Variants in HS3ST4 observed in about 807,000 individuals in gnomAD.
HS3ST4 encodes heparan sulfate-glucosamine 3-sulfotransferase 4, also known as heparan sulfate glucosamine 3-O-sulfotransferase 4.
A neutral mutation model predicts 29.2 loss-of-function variants in HS3ST4; 17 were observed. The ratio of observed to expected loss-of-function variants is 0.58; its 90% CI spans 0.40 to 0.87. HS3ST4 has a LOEUF of 0.87. Ranked by LOEUF, HS3ST4 falls within the 40% of genes least tolerant of loss-of-function variation. The pLI is 0.00. For missense variants in HS3ST4, 627 were observed against 634.5 expected (o/e 0.99, Z 0.13); for synonymous variants, 314 against 285.7 (o/e 1.10, Z -1.00).
chr16:25,900,570 G>T lies in HS3ST4; in HGVS notation c.734+207419G>T, dbSNP rs73515364. Among the ~76,000 whole-genome samples, 6 of 152,246 alleles carry T rather than the reference G, an allele frequency of 3.9e-5. No individual in the cohort carries two copies. The South Asian group carries it at 1.2e-3, about 32-fold the overall frequency. On this transcript the variant is annotated intron_variant, in intron 1 of 1. Transcript: ENST00000331351. Reference sequence around the variant, plus strand: ...ATTTGGATCCTCACATGTGCCAGGCGTGTTAGGAGTGCGGGTTAATGCAAT... The same window carrying T: ...ATTTGGATCCTCACATGTGCCAGGCTTGTTAGGAGTGCGGGTTAATGCAAT...
intron 1 of HS3ST4, among the ~76,000 whole-genome samples, chr16:25,755,751 T>C (rs1966753599): frequency 6.6e-6 from 1 of 152,186 alleles, no homozygotes; most frequent in Non-Finnish European, 1.5e-5. Context: ...AAGGTTACAA[T>C]GGGCTGGCCA....
intron 1 of HS3ST4, among the ~76,000 whole-genome samples, chr16:26,059,109 A>G (rs1373715843): frequency 6.6e-6 from 1 of 152,164 alleles, no homozygotes; most frequent in Non-Finnish European, 1.5e-5. Flanking sequence ...CCTAAGCCTC[A>G]GGTTCAAAGA....
At chr16:25,955,114 TA>T (rs1968716948) in intron 1 of HS3ST4, among the ~76,000 whole-genome samples, 1 of 152,150 alleles carries the variant, frequency 6.6e-6, no homozygotes, top group South Asian at 2.1e-4. Flanking sequence ...GGTATTTCGG[TA>T]AACTCTGCTA....
chr16:25,872,847 A>T (rs185750214), intron 1 of HS3ST4, among the ~76,000 whole-genome samples: 19 of 152,066 alleles, frequency 1.2e-4, no homozygotes, highest in Non-Finnish European at 2.5e-4. Context: ...GCAACATACT[A>T]CAAGCTTCTC....
chr16:25,726,726 C>T (rs760924279), intron 1 of HS3ST4, among the ~76,000 whole-genome samples: 5 of 152,088 alleles, frequency 3.3e-5, no homozygotes, highest in African/African-American at 1.2e-4. Context: ...CAGTCAATAG[C>T]GAGGGGAGAA....
rs545001136 is a variant in HS3ST4, at chr16:25,843,272, A to C, written c.734+150121A>C. Among the ~76,000 whole-genome samples, 3 of 152,318 alleles carry C rather than the reference A, an allele frequency of 2.0e-5. No homozygotes were observed. The East Asian group carries it at 5.8e-4, about 29-fold the overall frequency. On this transcript the variant is annotated intron_variant, in intron 1 of 1. Coordinates refer to ENST00000331351, the MANE Select transcript of HS3ST4 (RefSeq NM_006040.3). The stretch of plus-strand genomic sequence containing the variant: ...ACTCTGCAGACAGACGATGCTATCA[A>C]CTGGGAGCTGACCACTGGAGCTGTC...
intron 1 of HS3ST4, among the ~76,000 whole-genome samples, chr16:25,799,092 G>A (rs576110151): frequency 2.6e-5 from 4 of 152,282 alleles, no homozygotes; most frequent in South Asian, 4.1e-4. Flanking sequence ...AGGAAAAGGC[G>A]CTTGTTCATT....
intron 1 of HS3ST4, among the ~76,000 whole-genome samples, chr16:26,106,927 C>A (rs937830903): frequency 6.6e-6 from 1 of 152,156 alleles, no homozygotes; most frequent in Non-Finnish European, 1.5e-5. Context: ...TGATATTTCA[C>A]ATCAGCATGT....
chr16:25,903,797 A>G (rs1968146976), intron 1 of HS3ST4, among the ~76,000 whole-genome samples: 1 of 152,112 alleles, frequency 6.6e-6, no homozygotes, highest in African/African-American at 2.4e-5. Context: ...TTCTCTAAAC[A>G]ATACGCACTT....
intron 1 of HS3ST4, among the ~76,000 whole-genome samples, chr16:25,714,912 A>T (rs1386380474): frequency 6.6e-6 from 1 of 152,262 alleles, no homozygotes; most frequent in Admixed American, 6.5e-5. Flanking sequence ...TGGAAGGAGT[A>T]TGCACTTTAA....
intron 1 of HS3ST4, among the ~76,000 whole-genome samples, chr16:26,007,235 A>T (rs1969266914): frequency 6.6e-6 from 1 of 152,038 alleles, no homozygotes; most frequent in African/African-American, 2.4e-5. Flanking sequence ...CTTGGTCTTC[A>T]CCCCTCATTA....
chr16:25,760,101 GCCCTAA>G (rs996874734), intron 1 of HS3ST4, among the ~76,000 whole-genome samples: 25 of 152,072 alleles, frequency 1.6e-4, no homozygotes, highest in East Asian at 7.7e-4. Context: ...GGCTGCCATA[GCCCTAA>G]CCCTAACCCT....
intron 1 of HS3ST4, among the ~76,000 whole-genome samples, chr16:26,048,234 A>G (rs1247196522): frequency 6.6e-6 from 1 of 152,216 alleles, no homozygotes; most frequent in African/African-American, 2.4e-5. Flanking sequence ...CCCTATCTCC[A>G]AATACAATCA....
At chr16:25,751,974 T>C (rs988625739) in intron 1 of HS3ST4, among the ~76,000 whole-genome samples, 2 of 150,644 alleles carry the variant, frequency 1.3e-5, no homozygotes, top group African/African-American at 2.4e-5. Context: ...AAGTTTTAAA[T>C]CTACTCAACT....
chr16:25,884,141 A>C (rs1040859045), intron 1 of HS3ST4, among the ~76,000 whole-genome samples: 2 of 152,074 alleles, frequency 1.3e-5, no homozygotes, highest in Admixed American at 1.3e-4. Flanking sequence ...AATCCAACCT[A>C]GTTCAGAGCC....
At chr16:26,098,187 G>C (rs1898950786) in intron 1 of HS3ST4, among the ~76,000 whole-genome samples, 1 of 152,110 alleles carries the variant, frequency 6.6e-6, no homozygotes, top group Non-Finnish European at 1.5e-5. Flanking sequence ...GATCCCTCAA[G>C]GATCTAGAAC....
In HS3ST4 at chr16:25,922,035, G is replaced by A. The variant is rs114894603; in HGVS notation, c.735-213577G>A. 6.1e-3 allele frequency among the ~76,000 whole-genome samples: 928 copies of A among 152,248 alleles called. 17 individuals are homozygous for A. The highest frequency in any genetic ancestry group is 0.021 in the African/African-American group (865 of 41,542). Reference sequence around the variant, plus strand: ...CTCTCAAAGTACTGCAATTACAGGCGTGAGCCATGGTGCCTGGTGTCTTCT... The same window carrying A: ...CTCTCAAAGTACTGCAATTACAGGCATGAGCCATGGTGCCTGGTGTCTTCT... On this transcript the variant is annotated intron_variant, in intron 1 of 1. Coordinates refer to ENST00000331351, the MANE Select transcript of HS3ST4 (RefSeq NM_006040.3).
chr16:26,111,759 C>A (rs886960560), intron 1 of HS3ST4, among the ~76,000 whole-genome samples: 3 of 152,112 alleles, frequency 2.0e-5, no homozygotes, highest in African/African-American at 7.2e-5. Flanking sequence ...TGGATCACTC[C>A]TGTAAGCCCA....
rs1413588348 is a variant in HS3ST4, at chr16:25,692,675, T to A, written c.258T>A (p.Pro86=). Residue 86 remains proline, a synonymous_variant, in exon 1 of 2, where the codon CCT becomes CCA. Coordinates refer to ENST00000331351, the MANE Select transcript of HS3ST4 (RefSeq NM_006040.3). ...PPSPPPPSLL[P]TPVRLGAPSQ... ...GCCCGCCGCCACCCTCTCTGCTGCC[T>A]ACCCCCGTGCGCCTCGGCGCCCCCT... The A allele has an allele frequency of 7.9e-7, 1 of 1,267,794 alleles. No individual in the cohort carries two copies. Among genetic ancestry groups the A allele is most frequent in the Admixed American group, 3.6e-5 (1 of 27,514 alleles). The allele number at this position is 1,267,794 out of a possible 1,614,324, so 78.5% of individuals were successfully genotyped here.
Sources: gnomAD v4.1 joint callset for allele counts (sites outside exome capture counted in the v4.1 genomes callset) on GRCh38, gnomAD v4.1.1 for gene constraint, MANE v1.5 for transcripts, NCBI Gene and HGNC (gene_info 2026-07-23, HGNC 2026-07-21) for gene names.